Variants in ERI1 observed in about 807,000 individuals in gnomAD.
ERI1 encodes the protein exoribonuclease 1.
Under a neutral mutation model 39.7 loss-of-function variants are expected in ERI1, and 39 were observed. The observed-to-expected ratio is 0.98, with a 90% CI of 0.76 to 1.28. The LOEUF is 1.28. Among genes scored for constraint, ERI1 ranks in the 50% most tolerant of loss-of-function variants. The pLI, the probability that ERI1 is intolerant of heterozygous loss-of-function variation, is 0.00. For missense variants in ERI1, 581 were observed against 416.9 expected, an observed-to-expected ratio of 1.39 and a Z score of -3.43; for synonymous variants, 204 against 149.6, an observed-to-expected ratio of 1.36 and a Z score of -2.65.
intron 3 of ERI1, among the ~76,000 whole-genome samples, chr8:9,070,392 G>A (rs1345996536): frequency 2.6e-5 from 4 of 152,194 alleles, no homozygotes; most frequent in Admixed American, 6.5e-5. Context: ...GGAGGCTGAG[G>A]CCAAAGGATG....
rs555826563 is a variant in ERI1 at position 9,099,594 on chromosome 8, C to T, written n.300-16754C>T. ...TGGGCAATAGAGCGGGACACTCTCT[C>T]TCTCAAAAAAAAAAAAAAAAAGAAA... On this transcript the variant is annotated intron_variant and non_coding_transcript_variant, in intron 3 of 3. Transcript: ENST00000518663. Among the ~76,000 whole-genome samples the T allele has an allele frequency of 3.4e-3, 479 of 142,614 alleles. 1 individual carries two copies. The highest frequency in any genetic ancestry group is 5.8e-3 in the Non-Finnish European group (385 of 66,218). 93.6% of individuals were successfully genotyped at this position (142,614 alleles called of 152,430 possible). A position where few individuals can be genotyped will look rare whatever the true frequency, so the allele number is the denominator to read the frequency against.
At chr8:9,054,673 C>T (rs554398498) in intron 3 of ERI1, among the ~76,000 whole-genome samples, 1 of 152,362 alleles carries the variant, frequency 6.6e-6, no homozygotes, top group Non-Finnish European at 1.5e-5. Context: ...GCCTGTGATC[C>T]CAGCACTTTG....
intron 3 of ERI1, among the ~76,000 whole-genome samples, chr8:9,012,068 C>G (rs1479969440): frequency 6.6e-6 from 1 of 152,104 alleles, no homozygotes; most frequent in African/African-American, 2.4e-5. Context: ...ATGCCTGGCC[C>G]TAGTCCCAGA....
intron 3 of ERI1, among the ~76,000 whole-genome samples, chr8:9,042,255 T>C (rs1262573272): frequency 6.6e-6 from 1 of 152,216 alleles, no homozygotes; most frequent in Admixed American, 6.5e-5. Flanking sequence ...GCTGTGTCCT[T>C]GGTCCTCCCT....
intron 3 of ERI1, chr8:9,088,561 A>G (rs543352321): frequency 6.6e-6 from 1 of 152,136 alleles, no homozygotes; most frequent in African/African-American, 2.4e-5. Context: ...AACTGCTGGG[A>G]GATTAACAGT....
At chr8:9,025,279 A>T (rs987661203) in intron 6 of ERI1, among the ~76,000 whole-genome samples, 1 of 152,150 alleles carries the variant, frequency 6.6e-6, no homozygotes, top group Non-Finnish European at 1.5e-5. Flanking sequence ...AAGCCCAAGC[A>T]AAAGGTGGAC....
chr8:9,021,635 T>G (rs909501161), intron 6 of ERI1, among the ~76,000 whole-genome samples: 1 of 152,228 alleles, frequency 6.6e-6, no homozygotes, highest in African/African-American at 2.4e-5. Flanking sequence ...TAACCCTAAT[T>G]CTTCCTTTCA....
chr8:9,075,831 G>A (rs190909098), intron 3 of ERI1, among the ~76,000 whole-genome samples: 2 of 152,266 alleles, frequency 1.3e-5, no homozygotes, highest in East Asian at 3.9e-4. Flanking sequence ...TAGAGACAAG[G>A]TCTTGCCATA....
intron 3 of ERI1, among the ~76,000 whole-genome samples, chr8:9,075,938 T>C (rs1799197332): frequency 1.3e-5 from 2 of 152,170 alleles, no homozygotes; most frequent in South Asian, 4.2e-4. Flanking sequence ...GCACTTGGCT[T>C]TTTTTTGGAG....
At chr8:9,091,090 TTA>T (rs1295940629) in intron 3 of ERI1, 1 of 152,222 alleles carries the variant, frequency 6.6e-6, no homozygotes, top group Admixed American at 6.5e-5. Context: ...CCTATTTTAT[TTA>T]TGTGTAAGTT....
intron 3 of ERI1, among the ~76,000 whole-genome samples, chr8:9,061,675 G>A (rs951727207): frequency 6.6e-6 from 1 of 152,222 alleles, no homozygotes; most frequent in African/African-American, 2.4e-5. Context: ...GTAAGGGATT[G>A]AGGTTTGGGA....
chr8:9,023,158 T>G (rs569592308), intron 6 of ERI1, among the ~76,000 whole-genome samples: 11 of 152,296 alleles, frequency 7.2e-5, no homozygotes, highest in African/African-American at 2.6e-4. Context: ...ATACATCTCT[T>G]TAGTTTTTTT....
intron 3 of ERI1, among the ~76,000 whole-genome samples, chr8:9,064,257 C>A (rs1798797109): frequency 6.6e-6 from 1 of 151,396 alleles, no homozygotes; most frequent in African/African-American, 2.4e-5. Flanking sequence ...GGGTTTCTTG[C>A]CCCCCAGAAA....
At chr8:9,004,285 CA>C (rs943123143) in intron 1 of ERI1, 22 of 1,157,050 alleles carry the variant, frequency 1.9e-5, no homozygotes, top group Admixed American at 4.1e-5. Context: ...GATACGTTGT[CA>C]ATCTCATCCT....
At chr8:9,099,625 A>G (rs887263969) in intron 3 of ERI1, among the ~76,000 whole-genome samples, 2 of 151,618 alleles carry the variant, frequency 1.3e-5, no homozygotes, top group African/African-American at 2.4e-5. Flanking sequence ...AGAAAGAAAC[A>G]GAAACCCCAA....
intron 3 of ERI1, among the ~76,000 whole-genome samples, chr8:9,072,737 G>A (rs1350977061): frequency 6.6e-6 from 1 of 152,044 alleles, no homozygotes; most frequent in African/African-American, 2.4e-5. Context: ...ATCTTGACAT[G>A]TGCTCTGCCA....
At chr8:9,028,931 C>T (rs1272063) in intron 6 of ERI1, among the ~76,000 whole-genome samples, 2 of 146,100 alleles carry the variant, frequency 1.4e-5, no homozygotes, top group South Asian at 4.3e-4. Context: ...GCCAATAATT[C>T]TTAAAAGTGG....
intron 3 of ERI1, among the ~76,000 whole-genome samples, chr8:9,075,428 G>T (rs1361167534): frequency 6.6e-6 from 1 of 151,672 alleles, no homozygotes; most frequent in South Asian, 2.1e-4. Context: ...CACAGCTAAA[G>T]ACATTCACTT....
intron 3 of ERI1, among the ~76,000 whole-genome samples, chr8:9,086,870 T>C (rs1321021615): frequency 6.6e-6 from 1 of 152,210 alleles, no homozygotes; most frequent in Non-Finnish European, 1.5e-5. Flanking sequence ...TTTCCTGCAA[T>C]GGACTTACTA....
Sources: gnomAD v4.1 joint callset for allele counts (sites outside exome capture counted in the v4.1 genomes callset) on GRCh38, gnomAD v4.1.1 for gene constraint, MANE v1.5 for transcripts, NCBI Gene and HGNC (gene_info 2026-07-23, HGNC 2026-07-21) for gene names.